Variants in CASP2 observed in about 807,000 individuals in gnomAD.
CASP2 encodes caspase 2, also known as caspase-2.
In CASP2, 38 loss-of-function variants were observed where a neutral mutation model predicts 54.4. That is an observed-to-expected ratio of 0.70 (90% confidence interval 0.54 to 0.92). The LOEUF is 0.92. CASP2 is among the 40% of genes least tolerant of loss of function. The pLI is 0.00. For missense variants in CASP2, 512 were observed against 579.6 expected (o/e 0.88, Z 1.20); for synonymous variants, 215 against 216.3 (o/e 0.99, Z 0.05).
chr7:143,294,629 A>C lies in CASP2; in HGVS notation c.603A>C (p.Leu201=). The change falls in exon 6 of 11, where the codon CTA becomes CTC. Residue 201 remains leucine, a synonymous_variant. Coordinates refer to ENST00000310447, the MANE Select transcript of CASP2 (RefSeq NM_032982.4). Reference sequence around the variant, plus strand: ...GGTTGCAGTCTCGGCCTCGTGGCCTAGCACTGGTGTTGAGCAATGTGCACT... The same window carrying C: ...GGTTGCAGTCTCGGCCTCGTGGCCTCGCACTGGTGTTGAGCAATGTGCACT... The part of the protein sequence containing the change: ...AYRLQSRPRG[L]ALVLSNVHFT... 1 of 1,614,252 alleles carries C rather than the reference A, an allele frequency of 6.2e-7. No individual in the cohort carries two copies. Among genetic ancestry groups the C allele is most frequent in the South Asian group, 1.1e-5 (1 of 91,090 alleles).
rs78494988 is a variant in CASP2 at position 143,293,351 on chromosome 7, C to T, written c.475+653C>T. Reference sequence around the variant, plus strand: ...CTTTGTTACCCAGGCTGGTGTCAAACTTCTGGCCTCAAATGATCCTTCCGC... The same window carrying T: ...CTTTGTTACCCAGGCTGGTGTCAAATTTCTGGCCTCAAATGATCCTTCCGC... On this transcript the variant is annotated intron_variant, in intron 4 of 10. Coordinates refer to ENST00000310447, the MANE Select transcript of CASP2 (RefSeq NM_032982.4). The T allele has an allele frequency of 1.5e-3, 645 of 429,876 alleles. 4 individuals carry two copies. Among genetic ancestry groups the T allele is most frequent in the African/African-American group, 0.012 (588 of 49,096 alleles). 26.6% of individuals were successfully genotyped at this position (429,876 alleles called of 1,614,324 possible).
In CASP2 at chr7:143,300,309, A is replaced by C. The variant is rs769361986; in HGVS notation, c.967+15A>C. On this transcript the variant is annotated intron_variant, in intron 8 of 10. Coordinates refer to ENST00000310447, the MANE Select transcript of CASP2 (RefSeq NM_032982.4). Reference sequence around the variant, plus strand: ...CTGCCGTGGAGGTGAGTGCCCTAGCAGACCAGCACCTGGGTGGTGGCTCCT... The same window carrying C: ...CTGCCGTGGAGGTGAGTGCCCTAGCCGACCAGCACCTGGGTGGTGGCTCCT... 1.2e-6 allele frequency: 2 copies of C among 1,613,076 alleles called. No homozygotes were observed. The highest frequency in any genetic ancestry group is 4.5e-5 in the East Asian group (2 of 44,878).
At chr7:143,294,895 C>T (rs1801696598) in intron 6 of CASP2, 122 bp downstream of exon 6, 2 of 835,014 alleles carry the variant, frequency 2.4e-6, no homozygotes, top group Admixed American at 2.0e-5. Context: ...ATTCTACTTA[C>T]ATTTTTACTC....
At chr7:143,292,502 G>C in intron 3 of CASP2, 35 bp downstream of exon 3, 1 of 1,613,040 alleles carries the variant, frequency 6.2e-7, no homozygotes, top group Non-Finnish European at 8.5e-7. Flanking sequence ...TGTTGGGAAG[G>C]GTTAGTTTGA....
intron 3 of CASP2, 35 bp from the exon 4 acceptor site, chr7:143,292,582 T>A (rs1002953403): frequency 1.2e-6 from 2 of 1,608,514 alleles, no homozygotes; most frequent in Non-Finnish European, 1.7e-6. Context: ...ACCACTTCCC[T>A]AAGGTCTGTC....
chr7:143,305,203 C>A lies in CASP2; in HGVS notation c.*132C>A. 8.4e-7 allele frequency: 1 copy of A among 1,184,656 alleles called. No homozygotes were observed. Among genetic ancestry groups the A allele is most frequent in the Non-Finnish European group, 1.2e-6 (1 of 817,750 alleles). The allele number at this position is 1,184,656 out of a possible 1,614,324, so 73.4% of individuals were successfully genotyped here. A position where few individuals can be genotyped will look rare whatever the true frequency, so the allele number is the denominator to read the frequency against. ...ATGTGGGAATCTCCCAGACTTGTTT[C>A]CTGTGCCCATCATCTCTGCCTTTGA... On this transcript the variant is annotated 3_prime_UTR_variant, in exon 11 of 11. Coordinates refer to ENST00000310447, the MANE Select transcript of CASP2 (RefSeq NM_032982.4).
At chr7:143,300,605 T>C in intron 8 of CASP2, 1 of 1,388,776 alleles carries the variant, frequency 7.2e-7, no homozygotes, top group Admixed American at 2.4e-5. Context: ...TCATTAACTC[T>C]GGTGCCCTTT....
At chr7:143,304,225 T>C (rs1802001809) in intron 9 of CASP2, among the ~76,000 whole-genome samples, 1 of 152,228 alleles carries the variant, frequency 6.6e-6, no homozygotes, top group African/African-American at 2.4e-5. Flanking sequence ...ATTTTTTGGA[T>C]TTGGGATGCT....
chr7:143,304,988 T>C lies in CASP2; in HGVS notation c.1276T>C (p.Phe426Leu). ...DREGYAPGTE[F>L]HRCKEMSEYC... ...GGAAGGTTATGCTCCTGGCACAGAATTCCACCGGTGCAAGGAGATGTCTGA... is the reference window on the plus strand; with the variant it reads ...GGAAGGTTATGCTCCTGGCACAGAACTCCACCGGTGCAAGGAGATGTCTGA... Residue 426 changes from phenylalanine (F) to leucine (L), a missense_variant, in exon 11 of 11, where the codon TTC becomes CTC. Phe to Leu is a conservative substitution (Grantham distance 22). Transcript: ENST00000310447. 6.2e-7 allele frequency: 1 copy of C among 1,614,122 alleles called. No homozygotes were observed. Among genetic ancestry groups the C allele is most frequent in the Non-Finnish European group, 8.5e-7 (1 of 1,180,002 alleles).
At chr7:143,296,467 T>G (rs542232672) in intron 6 of CASP2, among the ~76,000 whole-genome samples, 64 of 152,322 alleles carry the variant, frequency 4.2e-4, no homozygotes, top group Non-Finnish European at 7.3e-4. Flanking sequence ...TAGGTAGATA[T>G]GATCAGAAGG....
chr7:143,294,327 G>T lies in CASP2; in HGVS notation c.570+3G>T. 1 of 1,596,216 alleles carries T rather than the reference G, an allele frequency of 6.3e-7. No homozygotes were observed. The highest frequency in any genetic ancestry group is 8.6e-7 in the Non-Finnish European group (1 of 1,163,884). On this transcript the variant is annotated splice_donor_region_variant and intron_variant, in intron 5 of 10. Coordinates refer to ENST00000310447, the MANE Select transcript of CASP2 (RefSeq NM_032982.4). ...TTTATCAAACACACTTCCAGCTGGT[G>T]AGTTTTTGCATAATGACAAGAGGAA...
intron 6 of CASP2, among the ~76,000 whole-genome samples, chr7:143,295,173 G>T (rs983516344): frequency 6.6e-6 from 1 of 152,086 alleles, no homozygotes; most frequent in African/African-American, 2.4e-5. Context: ...AACTGCAGGC[G>T]CATGCAACCA....
At position 143,294,259 on chromosome 7, in the gene CASP2, G is replaced by A; in HGVS notation, c.505G>A (p.Asp169Asn). ...DTVEHSLDNK[D>N]GPVCLQVKPC... Reference sequence around the variant, plus strand: ...TGTGGAACACTCCCTAGACAATAAAGATGGTCCTGTCTGCCTTCAGGTGAA... The same window carrying A: ...TGTGGAACACTCCCTAGACAATAAAAATGGTCCTGTCTGCCTTCAGGTGAA... Residue 169 changes from aspartate to asparagine, a missense_variant, in exon 5 of 11, where the codon GAT becomes AAT. By Grantham distance (23) the Asp-to-Asn change is conservative. Transcript: ENST00000310447. 6.2e-7 allele frequency: 1 copy of A among 1,611,128 alleles called. No individual in the cohort carries two copies. Among genetic ancestry groups the A allele is most frequent in the Non-Finnish European group, 8.5e-7 (1 of 1,177,306 alleles).
chr7:143,303,875 G>A lies in CASP2; in HGVS notation c.1059G>A (p.Leu353=), dbSNP rs1475369671. ...CEESDAGKEK[L]PKMRLPTRSD... ...AGAGTGATGCCGGTAAAGAAAAGTT[G>A]CCGAAGATGAGACTGCCCACGCGCT... is the stretch of plus-strand genomic sequence containing the variant. The change falls in exon 9 of 11, where the codon TTG becomes TTA. Residue 353 remains leucine, a synonymous_variant. Coordinates refer to ENST00000310447, the MANE Select transcript of CASP2 (RefSeq NM_032982.4). The A allele has an allele frequency of 2.5e-6, 4 of 1,613,490 alleles. No individual in the cohort carries two copies. Among genetic ancestry groups the A allele is most frequent in the East Asian group, 2.2e-5 (1 of 44,876 alleles).
intron 1 of CASP2, among the ~76,000 whole-genome samples, chr7:143,291,259 G>A (rs1383639684): frequency 6.6e-6 from 1 of 152,078 alleles, no homozygotes; most frequent in Non-Finnish European, 1.5e-5. Context: ...TGTACTTGGG[G>A]GTATTGTTTT....
chr7:143,307,012 C>G lies in CASP2; in HGVS notation c.*1941C>G, dbSNP rs967172689. On this transcript the variant is annotated 3_prime_UTR_variant, in exon 11 of 11. Transcript: ENST00000310447. ...ATTTTGTGCTCTTTCCTGCCCTTTT[C>G]CTGGGCCTTCTCAGCTCTCCACCCC... The G allele has an allele frequency of 2.0e-5, 3 of 152,348 alleles. No individual in the cohort carries two copies. The highest frequency in any genetic ancestry group is 2.0e-4 in the Admixed American group (3 of 15,280). The allele number at this position is 152,348 out of a possible 1,614,324, so 9.4% of individuals were successfully genotyped here. A position where few individuals can be genotyped will look rare whatever the true frequency, so the allele number is the denominator to read the frequency against.
Position 143,291,558 on chromosome 7 carries a change from C to T in CASP2, c.93C>T (p.Gly31=). 1.9e-6 allele frequency: 3 copies of T among 1,614,044 alleles called. No individual in the cohort carries two copies. The highest frequency in any genetic ancestry group is 2.5e-6 in the Non-Finnish European group (3 of 1,179,978). The change falls in exon 2 of 11, where the codon GGC becomes GGT. Residue 31 remains glycine, a synonymous_variant. Coordinates refer to ENST00000310447, the MANE Select transcript of CASP2 (RefSeq NM_032982.4). ...DRGRRILGVC[G]MHPHHQETLK... is the part of the protein sequence containing the mutation. ...TCTGTAGGATATTGGGAGTGTGTGG[C>T]ATGCATCCTCATCATCAGGAAACTC...
rs4647333 is a variant in CASP2 at position 143,303,954 on chromosome 7, G to A, written c.1117+21G>A. ...CAAAGGTACTTTGAGTTCCAAAAGA[G>A]TTGAGTCATACCTCATTTTGTTGCA... On this transcript the variant is annotated intron_variant, in intron 9 of 10. Transcript: ENST00000310447. The A allele has an allele frequency of 1.3e-3, 1,995 of 1,563,792 alleles. 1 individual carries two copies. Among genetic ancestry groups the A allele is most frequent in the Non-Finnish European group, 1.4e-3 (1,570 of 1,153,402 alleles).
At chr7:143,297,349 C>T (rs566514431) in intron 6 of CASP2, among the ~76,000 whole-genome samples, 5 of 152,208 alleles carry the variant, frequency 3.3e-5, no homozygotes, top group Admixed American at 2.0e-4. Flanking sequence ...TTACAAAGTG[C>T]GTGTATTCTT....
Sources: allele counts gnomAD v4.1 joint callset (sites outside exome capture counted in the v4.1 genomes callset), GRCh38; gene constraint gnomAD v4.1.1; transcripts MANE v1.5; gene names NCBI Gene and HGNC (gene_info 2026-07-23, HGNC 2026-07-21).